TMLHE: variants seen among roughly 807,000 people sequenced by gnomAD.
The protein encoded by TMLHE is trimethyllysine dioxygenase, mitochondrial.
TMLHE carries 18 observed loss-of-function variants against 25.7 expected under a neutral mutation model. That is an observed-to-expected ratio of 0.70 (90% CI 0.48 to 1.04). The LOEUF (loss-of-function observed/expected upper bound fraction) is 1.04. Ranked by LOEUF, TMLHE falls within the 50% of genes least tolerant of loss-of-function variation. TMLHE has a pLI of 0.00. For synonymous variants in TMLHE, 105 were observed against 97.0 expected, an observed-to-expected ratio of 1.08 and a Z score of -0.49; for missense variants, 236 against 259.0, an observed-to-expected ratio of 0.91 and a Z score of 0.61.
chrX:155,563,774 G>T lies in TMLHE; in HGVS notation c.-1-18497C>A, dbSNP rs781942114. On this transcript the variant is annotated intron_variant, in intron 1 of 7. Coordinates refer to ENST00000334398, the MANE Select transcript of TMLHE (RefSeq NM_018196.4). ...CAGGAGACTGGATGAGACTACCAAA[G>T]GAATTGGTATAGACAGAGAAAAGAA... Among the ~76,000 whole-genome samples the T allele has an allele frequency of 3.2e-5, 2 of 61,623 alleles. 1 individual carries two copies. Among genetic ancestry groups the T allele is most frequent in the African/African-American group, 7.2e-5 (2 of 27,843 alleles). 53.5% of individuals were successfully genotyped at this position (61,623 alleles called of 115,157 possible).
chrX:155,514,416 T>G (rs1557334411), intron 3 of TMLHE, 151 bp from the exon 4 acceptor site: 1 of 559,936 alleles, frequency 1.8e-6, no homozygotes, highest in East Asian at 3.7e-5. Flanking sequence ...ATGCCTAGAA[T>G]GTTTCTGAGA....
chrX:155,593,621 A>G (rs2067704548), intron 1 of TMLHE, among the ~76,000 whole-genome samples: 1 of 112,550 alleles, frequency 8.9e-6, no homozygotes, highest in South Asian at 3.6e-4. Context: ...ATGACTGACA[A>G]AGAATTCAGA....
intron 1 of TMLHE, among the ~76,000 whole-genome samples, chrX:155,560,144 C>T (rs1451629334): frequency 1.8e-5 from 2 of 112,134 alleles, no homozygotes; most frequent in Admixed American, 9.4e-5. Context: ...CAGGGCGTTA[C>T]ATAATCTATC....
chrX:155,555,705 GCT>G (rs1488834620), intron 1 of TMLHE, among the ~76,000 whole-genome samples: 1 of 110,477 alleles, frequency 9.1e-6, no homozygotes, highest in Non-Finnish European at 1.9e-5. Context: ...TCCTTTGCCC[GCT>G]TTTTGATGGG....
chrX:155,590,445 CT>C (rs1353270161), intron 1 of TMLHE, among the ~76,000 whole-genome samples: 6 of 111,767 alleles, frequency 5.4e-5, no homozygotes, highest in South Asian at 3.7e-4. Context: ...GTATTTTCTC[CT>C]TTCTTCCATC....
chrX:155,589,146 C>T (rs1042467763), intron 1 of TMLHE, among the ~76,000 whole-genome samples: 3 of 111,620 alleles, frequency 2.7e-5, no homozygotes, highest in Non-Finnish European at 5.7e-5. Flanking sequence ...ATACTATTCA[C>T]CATAAAAAAG....
chrX:155,541,291 C>T (rs781925743), intron 2 of TMLHE, among the ~76,000 whole-genome samples: 5 of 110,940 alleles, frequency 4.5e-5, no homozygotes, highest in East Asian at 2.8e-4. Flanking sequence ...TGAGAACATG[C>T]GATGTTTGGT....
intron 2 of TMLHE, among the ~76,000 whole-genome samples, chrX:155,543,197 C>G: frequency 9.1e-6 from 1 of 110,265 alleles, no homozygotes; most frequent in South Asian, 3.8e-4. Flanking sequence ...GAAGTCGTAG[C>G]CAGAGTAATT....
intron 1 of TMLHE, among the ~76,000 whole-genome samples, chrX:155,557,745 C>T (rs1603061694): frequency 9.0e-6 from 1 of 111,481 alleles, no homozygotes; most frequent in Admixed American, 9.5e-5. Flanking sequence ...TTCCTCCTCA[C>T]AGTAAATTCT....
At chrX:155,537,492 A>G (rs1444448463) in intron 2 of TMLHE, among the ~76,000 whole-genome samples, 2 of 110,923 alleles carry the variant, frequency 1.8e-5, no homozygotes, top group Non-Finnish European at 3.8e-5. Flanking sequence ...TCCATACTCT[A>G]GCCACCTCTT....
At chrX:155,591,782 T>C (rs1212606763) in intron 1 of TMLHE, among the ~76,000 whole-genome samples, 2 of 111,463 alleles carry the variant, frequency 1.8e-5, no homozygotes, top group African/African-American at 6.5e-5. Context: ...ATGGAAAACA[T>C]TGTAATGGTT....
chrX:155,536,045 A>C lies in TMLHE; in HGVS notation c.181+9051T>G, dbSNP rs782729341. On this transcript the variant is annotated intron_variant, in intron 2 of 7. Coordinates refer to ENST00000334398, the MANE Select transcript of TMLHE (RefSeq NM_018196.4). ...CTCTTCCCCTGCCTAGTTCATATTC[A>C]ATACTCATGACTCAGCAGGCAGTCA... Among the ~76,000 whole-genome samples the C allele has an allele frequency of 2.7e-5, 3 of 111,795 alleles. No homozygotes were observed. The South Asian group carries it at 1.1e-3, about 42-fold the overall frequency.
chrX:155,570,277 A>G (rs1338458919), intron 1 of TMLHE, among the ~76,000 whole-genome samples: 2 of 54,975 alleles, frequency 3.6e-5, no homozygotes, highest in African/African-American at 8.7e-5. Flanking sequence ...TTCAACAAGA[A>G]GAGCTAACTA....
At chrX:155,589,469 A>G (rs1373939256) in intron 1 of TMLHE, among the ~76,000 whole-genome samples, 1 of 111,913 alleles carries the variant, frequency 8.9e-6, no homozygotes, top group Non-Finnish European at 1.9e-5. Flanking sequence ...CAAAAAAACA[A>G]TGAAATCATG....
At chrX:155,608,847 C>T (rs1250263367) in intron 1 of TMLHE, among the ~76,000 whole-genome samples, 2 of 112,063 alleles carry the variant, frequency 1.8e-5, no homozygotes, top group African/African-American at 6.5e-5. Flanking sequence ...GAAATACCAT[C>T]TTACACCAGT....
At chrX:155,550,831 T>C (rs1349753370) in intron 1 of TMLHE, among the ~76,000 whole-genome samples, 1 of 111,008 alleles carries the variant, frequency 9.0e-6, no homozygotes, top group Non-Finnish European at 1.9e-5. Context: ...AACCACTTGG[T>C]TATTTGGTTA....
chrX:155,537,163 G>A (rs1291617021), intron 2 of TMLHE, among the ~76,000 whole-genome samples: 1 of 112,074 alleles, frequency 8.9e-6, no homozygotes, highest in East Asian at 2.8e-4. Context: ...TCAGATTGGA[G>A]TTTAGAAAGA....
intron 1 of TMLHE, among the ~76,000 whole-genome samples, chrX:155,603,438 T>C (rs2067769123): frequency 9.0e-6 from 1 of 111,236 alleles, no homozygotes. Context: ...AATATTTATA[T>C]GGAAATGGAA....
chrX:155,556,159 G>C (rs1395117007), intron 1 of TMLHE, among the ~76,000 whole-genome samples: 1 of 111,335 alleles, frequency 9.0e-6, no homozygotes, highest in African/African-American at 3.3e-5. Flanking sequence ...TCTAGAAGAT[G>C]AGAGTGAGTT....
Sources: allele counts gnomAD v4.1 joint callset (sites outside exome capture counted in the v4.1 genomes callset), GRCh38; gene constraint gnomAD v4.1.1; transcripts MANE v1.5; gene names NCBI Gene and HGNC (gene_info 2026-07-23, HGNC 2026-07-21).